Variants in PADI2 observed in about 807,000 individuals in gnomAD.
The protein encoded by PADI2 is peptidyl arginine deiminase 2, also known as protein-arginine deiminase type-2.
Under a neutral mutation model 81.1 loss-of-function variants are expected in PADI2, and 70 were observed. The observed-to-expected ratio is 0.86, with a 90% CI of 0.71 to 1.05. PADI2 has a LOEUF of 1.05. Among genes scored for constraint, PADI2 ranks in the 50% least tolerant of loss-of-function variants. The pLI, the probability that PADI2 is intolerant of heterozygous loss-of-function variation, is 0.00. For missense variants in PADI2, 853 were observed against 889.9 expected, an observed-to-expected ratio of 0.96 and a Z score of 0.53; for synonymous variants, 338 against 358.0, an observed-to-expected ratio of 0.94 and a Z score of 0.63.
intron 1 of PADI2, among the ~76,000 whole-genome samples, chr1:17,112,689 T>C (rs1234988316): frequency 6.6e-6 from 1 of 152,122 alleles, no homozygotes; most frequent in Non-Finnish European, 1.5e-5. Context: ...CAGGGATCAG[T>C]GGAGGCAAAC....
At chr1:17,112,153 C>T (rs535397127) in intron 1 of PADI2, among the ~76,000 whole-genome samples, 9 of 152,158 alleles carry the variant, frequency 5.9e-5, no homozygotes, top group African/African-American at 1.7e-4. Context: ...CAGCTGCCCA[C>T]GTGAGCGATT....
At chr1:17,102,361 C>G (rs1015589186) in intron 3 of PADI2, among the ~76,000 whole-genome samples, 1 of 152,198 alleles carries the variant, frequency 6.6e-6, no homozygotes, top group Admixed American at 6.5e-5. Context: ...AGGCCTGGCA[C>G]CCAGCGCAGG....
chr1:17,072,747 C>T (rs1232273450), intron 13 of PADI2, among the ~76,000 whole-genome samples: 1 of 139,708 alleles, frequency 7.2e-6, no homozygotes, highest in African/African-American at 2.5e-5. Context: ...AAACTGTATT[C>T]TATCTATTTT....
chr1:17,070,280 C>T, intron 14 of PADI2, 64 bp from the exon 15 acceptor site: 1 of 1,593,544 alleles, frequency 6.3e-7, no homozygotes, highest in Non-Finnish European at 8.6e-7. Context: ...ACCTTGTCAA[C>T]CCCATCCCTG....
At chr1:17,100,660 ATTT>A (rs11380769) in intron 3 of PADI2, among the ~76,000 whole-genome samples, 7 of 131,038 alleles carry the variant, frequency 5.3e-5, no homozygotes, top group African/African-American at 1.1e-4. Context: ...TTGATAGCAA[ATTT>A]TTTTTTTTTT....
At chr1:17,080,206 T>C (rs2078333957) in intron 10 of PADI2, among the ~76,000 whole-genome samples, 1 of 152,242 alleles carries the variant, frequency 6.6e-6, no homozygotes, top group South Asian at 2.1e-4. Context: ...TTTTGCATCC[T>C]GACCCATTGC....
chr1:17,114,232 C>T (rs901675998), intron 1 of PADI2, among the ~76,000 whole-genome samples: 1 of 152,234 alleles, frequency 6.6e-6, no homozygotes, highest in Non-Finnish European at 1.5e-5. Flanking sequence ...GGGTGGGGAG[C>T]TCAGCCCCAT....
rs975511642 is a variant in PADI2 at position 17,105,118 on chromosome 1, G to C, written c.93-57C>G. On this transcript the variant is annotated intron_variant, in intron 1 of 15. Transcript: ENST00000375486. ...AGCCCTGGGGTAGGTGGGATGAGGG[G>C]CTTCAAGAGGAGACTCCTGCTTCCA... The C allele has an allele frequency of 2.3e-4, 294 of 1,295,122 alleles. 1 individual carries two copies. In the East Asian group the frequency reaches 7.2e-3, roughly 31 times the overall value. 80.2% of individuals were successfully genotyped at this position (1,295,122 alleles called of 1,614,324 possible). A position where few individuals can be genotyped will look rare whatever the true frequency, so the allele number is the denominator to read the frequency against.
At chr1:17,079,179 T>C in intron 11 of PADI2, 85 bp downstream of exon 11, 6 of 1,212,328 alleles carry the variant, frequency 4.9e-6, no homozygotes, top group Non-Finnish European at 7.0e-6. Context: ...ACTTGCTCCA[T>C]GTGTGAGCAA....
At chr1:17,112,521 T>C (rs1246782769) in intron 1 of PADI2, among the ~76,000 whole-genome samples, 2 of 57,302 alleles carry the variant, frequency 3.5e-5, no homozygotes, top group Non-Finnish European at 9.6e-5. Flanking sequence ...TTTAGAGGAG[T>C]CTGGGGGGGG....
At chr1:17,074,977 G>A (rs1432701310) in intron 12 of PADI2, 28 bp from the exon 13 acceptor site, 16 of 1,511,982 alleles carry the variant, frequency 1.1e-5, no homozygotes, top group Non-Finnish European at 1.4e-5. Context: ...GAGGGACAGA[G>A]TCAGCAGTGG....
At position 17,068,735 on chromosome 1, in the gene PADI2, A is replaced by G; in HGVS notation, c.*309T>C. 1 of 342,574 alleles carries G rather than the reference A, an allele frequency of 2.9e-6. No homozygotes were observed. The highest frequency in any genetic ancestry group is 5.5e-6 in the Non-Finnish European group (1 of 183,178). 21.2% of individuals were successfully genotyped at this position (342,574 alleles called of 1,614,324 possible). A position where few individuals can be genotyped will look rare whatever the true frequency, so the allele number is the denominator to read the frequency against. ...TTCAGTGTCAGATTAGAGACTCAAAATTCTTTGGGGAGCAGTTTGGGCACA... is the reference window on the plus strand; with the variant it reads ...TTCAGTGTCAGATTAGAGACTCAAAGTTCTTTGGGGAGCAGTTTGGGCACA... On this transcript the variant is annotated 3_prime_UTR_variant, in exon 16 of 16. Coordinates refer to ENST00000375486, the MANE Select transcript of PADI2 (RefSeq NM_007365.3).
intron 7 of PADI2, 138 bp downstream of exon 7, chr1:17,086,383 C>T (rs998646584): frequency 3.7e-5 from 24 of 642,154 alleles, no homozygotes; most frequent in Non-Finnish European, 5.8e-5. Flanking sequence ...TGCTGGGGGG[C>T]ATCGAGGTCT....
chr1:17,098,163 G>GT (rs917502386), intron 3 of PADI2, among the ~76,000 whole-genome samples: 1 of 152,174 alleles, frequency 6.6e-6, no homozygotes, highest in African/African-American at 2.4e-5. Flanking sequence ...GCTCTCTGCT[G>GT]TTCCCTGCAA....
At chr1:17,077,590 T>C (rs2078313246) in intron 11 of PADI2, among the ~76,000 whole-genome samples, 1 of 152,188 alleles carries the variant, frequency 6.6e-6, no homozygotes, top group South Asian at 2.1e-4. Context: ...CTGGGCTTCC[T>C]GTTTGGGACC....
intron 10 of PADI2, among the ~76,000 whole-genome samples, chr1:17,081,424 G>A (rs1299938022): frequency 6.6e-6 from 1 of 152,186 alleles, no homozygotes; most frequent in Non-Finnish European, 1.5e-5. Context: ...GTGCAATTAG[G>A]ACTCAAGACC....
intron 13 of PADI2, among the ~76,000 whole-genome samples, chr1:17,072,639 T>G (rs114683896): frequency 6.6e-6 from 1 of 152,178 alleles, no homozygotes; most frequent in Non-Finnish European, 1.5e-5. Flanking sequence ...ATTACATGAA[T>G]GTCTAAGTCC....
intron 1 of PADI2, among the ~76,000 whole-genome samples, chr1:17,109,369 C>T (rs1432286460): frequency 2.9e-5 from 3 of 104,266 alleles, no homozygotes; most frequent in Non-Finnish European, 5.3e-5. Flanking sequence ...GCCTGGGTGA[C>T]AGAGCGAGAC....
Position 17,069,116 on chromosome 1 carries a change from C to T in PADI2, c.1926G>A (p.Leu642=). The T allele has an allele frequency of 1.2e-6, 2 of 1,614,216 alleles. No individual in the cohort carries two copies. The highest frequency in any genetic ancestry group is 1.7e-6 in the Non-Finnish European group (2 of 1,180,038). Residue 642 remains leucine (L), a synonymous_variant, in exon 16 of 16, where the codon CTG becomes CTA. Transcript: ENST00000375486. Reference sequence around the variant, plus strand: ...CGTTGGTGCCACAGTGGACTTCCCCCAGAAATTTGTGGTAGGCAGAAATGT... The same window carrying T: ...CGTTGGTGCCACAGTGGACTTCCCCTAGAAATTTGTGGTAGGCAGAAATGT... ...IDDISAYHKF[L]GEVHCGTNVR... is the part of the protein sequence containing the mutation.
Sources: gnomAD v4.1 joint callset for allele counts (sites outside exome capture counted in the v4.1 genomes callset) on GRCh38, gnomAD v4.1.1 for gene constraint, MANE v1.5 for transcripts, NCBI Gene and HGNC (gene_info 2026-07-23, HGNC 2026-07-21) for gene names.